PUDP: variants seen among roughly 807,000 people sequenced by gnomAD.
PUDP encodes pseudouridine 5'-phosphatase.
In PUDP, 8 loss-of-function variants were observed where a neutral mutation model predicts 9.4. That is an observed-to-expected ratio of 0.85 (90% CI 0.50 to 1.53). The LOEUF (loss-of-function observed/expected upper bound fraction) is 1.53. Among genes scored for constraint, PUDP ranks in the 40% most tolerant of loss-of-function variants. PUDP has a pLI of 0.00. For missense variants in PUDP, 188 were observed against 189.7 expected, an observed-to-expected ratio of 0.99 and a Z score of 0.05; for synonymous variants, 99 against 80.7, an observed-to-expected ratio of 1.23 and a Z score of -1.22.
chrX:7,024,700 C>T (rs1264766743), intron 1 of PUDP, among the ~76,000 whole-genome samples: 4 of 104,724 alleles, frequency 3.8e-5, no homozygotes, highest in African/African-American at 1.4e-4. Context: ...CATTCTCCTA[C>T]CTCAGCCTCC....
chrX:6,712,940 G>A lies in PUDP; in HGVS notation n.129-6474C>T, dbSNP rs185104468. 2.5e-3 allele frequency among the ~76,000 whole-genome samples: 279 copies of A among 111,508 alleles called. 3 individuals are homozygous for A. The East Asian group carries it at 0.062, about 25-fold the overall frequency. ...GCGTGCCCTGTGGCCCCAGCCACTC[G>A]GGAGGCTGAGGCAGGAGAATTGCTT... On this transcript the variant is annotated intron_variant and non_coding_transcript_variant, in intron 1 of 2. Coordinates refer to the PUDP transcript ENST00000438499.
At chrX:6,793,762 C>G (rs770546335) in intron 3 of PUDP, among the ~76,000 whole-genome samples, 1 of 110,358 alleles carries the variant, frequency 9.1e-6, no homozygotes, top group African/African-American at 3.3e-5. Context: ...CAAGAAAAGA[C>G]GGTAAAGATT....
At chrX:6,863,034 T>A (rs769776743) in intron 3 of PUDP, among the ~76,000 whole-genome samples, 2 of 111,965 alleles carry the variant, frequency 1.8e-5, no homozygotes, top group African/African-American at 6.5e-5. Flanking sequence ...CACTTCATTA[T>A]GTAAATAATT....
chrX:6,953,223 C>T (rs185344225), intron 3 of PUDP, among the ~76,000 whole-genome samples: 1 of 111,728 alleles, frequency 9.0e-6, no homozygotes, highest in East Asian at 2.8e-4. Flanking sequence ...TTATATCTTA[C>T]TTCAATTGAG....
intron 3 of PUDP, among the ~76,000 whole-genome samples, chrX:7,061,637 C>T (rs1307058553): frequency 2.0e-5 from 2 of 99,610 alleles, no homozygotes; most frequent in Non-Finnish European, 2.0e-5. Context: ...CTTCCAAAGT[C>T]AACACACAAC....
At chrX:6,802,432 G>A (rs1414479743) in intron 3 of PUDP, among the ~76,000 whole-genome samples, 2 of 111,835 alleles carry the variant, frequency 1.8e-5, no homozygotes, top group Non-Finnish European at 3.8e-5. Context: ...GAGCTATGGA[G>A]CATCTAAGAA....
rs1925489383 is a variant in PUDP, at chrX:6,777,755, T to C, written c.*248-71289A>G. The stretch of plus-strand genomic sequence containing the variant: ...AGCAGATAGATACAGTAGCACACTG[T>C]AGGATCTATTTGATACTTCCTCTTC... On this transcript the variant is annotated intron_variant and NMD_transcript_variant, in intron 3 of 3. Coordinates refer to the PUDP transcript ENST00000655425. 2.7e-5 allele frequency among the ~76,000 whole-genome samples: 3 copies of C among 111,939 alleles called. No homozygotes were observed. The South Asian group carries it at 1.1e-3, about 42-fold the overall frequency.
At chrX:6,934,319 G>A (rs1286407005) in intron 3 of PUDP, among the ~76,000 whole-genome samples, 3 of 102,835 alleles carry the variant, frequency 2.9e-5, no homozygotes, top group African/African-American at 1.1e-4. Context: ...GAGAGTGGGG[G>A]CCAATATTCA....
intron 3 of PUDP, among the ~76,000 whole-genome samples, chrX:6,898,774 G>T (rs1927629810): frequency 9.0e-6 from 1 of 111,232 alleles, no homozygotes; most frequent in South Asian, 3.8e-4. Flanking sequence ...TTCTTCTTTT[G>T]ATTCTTTTTT....
At chrX:6,717,764 T>C (rs1924616833) in intron 1 of PUDP, among the ~76,000 whole-genome samples, 1 of 111,932 alleles carries the variant, frequency 8.9e-6, no homozygotes. Flanking sequence ...AAGGCAGATA[T>C]GGCCTTCCCT....
At chrX:6,950,406 C>CTTTTTTTT (rs768745445) in intron 3 of PUDP, among the ~76,000 whole-genome samples, 1 of 68,645 alleles carries the variant, frequency 1.5e-5, no homozygotes, top group African/African-American at 6.1e-5. Context: ...TTAGTCATTT[C>CTTTTTTTT]TTTTTTTTTT....
chrX:6,725,296 T>C (rs1011897158), upstream of PUDP, among the ~76,000 whole-genome samples: 1 of 112,150 alleles, frequency 8.9e-6, no homozygotes, highest in Non-Finnish European at 1.9e-5. Flanking sequence ...GGGTACATTG[T>C]ATAGTGGTGA....
chrX:7,007,370 A>G (rs1929416284), intron 1 of PUDP, among the ~76,000 whole-genome samples: 1 of 112,114 alleles, frequency 8.9e-6, no homozygotes, highest in African/African-American at 3.2e-5. Context: ...AGATGGGTCA[A>G]TTTCTATGTT....
At chrX:7,082,416 CATTCT>C (rs1182193869) in intron 2 of PUDP, among the ~76,000 whole-genome samples, 1 of 112,461 alleles carries the variant, frequency 8.9e-6, no homozygotes, top group African/African-American at 3.2e-5. Context: ...CAAGCCTGAA[CATTCT>C]CTGTACTACC....
At chrX:6,916,314 G>T (rs1336846150) in intron 3 of PUDP, among the ~76,000 whole-genome samples, 1 of 108,536 alleles carries the variant, frequency 9.2e-6, no homozygotes, top group Non-Finnish European at 1.9e-5. Context: ...TCATGATTGT[G>T]TAAGTTGTGC....
chrX:6,832,869 A>G (rs927432135), intron 3 of PUDP, among the ~76,000 whole-genome samples: 1 of 111,410 alleles, frequency 9.0e-6, no homozygotes, highest in Non-Finnish European at 1.9e-5. Flanking sequence ...GCCCTTCTGC[A>G]CATTCCTAAT....
intron 3 of PUDP, among the ~76,000 whole-genome samples, chrX:6,857,794 T>C (rs1397289576): frequency 1.8e-5 from 2 of 111,677 alleles, no homozygotes; most frequent in Non-Finnish European, 3.8e-5. Flanking sequence ...TATGCCCTCC[T>C]ACAGAACCTT....
At chrX:6,882,540 G>A (rs1446886750) in intron 3 of PUDP, among the ~76,000 whole-genome samples, 1 of 111,682 alleles carries the variant, frequency 9.0e-6, no homozygotes, top group African/African-American at 3.3e-5. Flanking sequence ...AATTTCATGT[G>A]ATTCAACCTA....
chrX:6,928,764 G>A (rs1928144777), intron 3 of PUDP, among the ~76,000 whole-genome samples: 1 of 111,133 alleles, frequency 9.0e-6, no homozygotes, highest in African/African-American at 3.3e-5. Context: ...CGGGTGTGGT[G>A]TTGCATGCCT....
Sources: allele counts gnomAD v4.1 joint callset (sites outside exome capture counted in the v4.1 genomes callset), GRCh38; gene constraint gnomAD v4.1.1; transcripts MANE v1.5; gene names NCBI Gene and HGNC (gene_info 2026-07-23, HGNC 2026-07-21).